TBC1D15: variants seen among roughly 807,000 people sequenced by gnomAD.
TBC1D15 encodes TBC1 domain family member 15.
In TBC1D15, 39 loss-of-function variants were observed where a neutral mutation model predicts 95.4. The observed-to-expected ratio is 0.41, with a 90% CI of 0.32 to 0.53. The LOEUF (loss-of-function observed/expected upper bound fraction) is 0.53, where lower values mean the gene tolerates loss of function less well. TBC1D15 is among the 20% of genes least tolerant of loss of function. The probability of loss-of-function intolerance (pLI) is 0.29; values close to 1 mark genes in which losing one functional copy is unlikely to be tolerated. For synonymous variants in TBC1D15, 258 were observed against 261.3 expected, an observed-to-expected ratio of 0.99 and a Z score of 0.12; for missense variants, 733 against 794.3, an observed-to-expected ratio of 0.92 and a Z score of 0.93.
At chr12:71,910,183 G>A (rs554024611) in intron 11 of TBC1D15, among the ~76,000 whole-genome samples, 29 of 151,844 alleles carry the variant, frequency 1.9e-4, no homozygotes, top group East Asian at 1.2e-3. Context: ...GATATGCGAC[G>A]TTATTTCTGA....
chr12:71,911,559 TG>T (rs1902330021), intron 11 of TBC1D15, among the ~76,000 whole-genome samples: 1 of 131,312 alleles, frequency 7.6e-6, no homozygotes, highest in South Asian at 2.4e-4. Flanking sequence ...CACTTATAGG[TG>T]GGAATTGAAC....
Position 71,896,781 on chromosome 12 carries a change from G to GT in TBC1D15, c.1088+2dup. The GT allele has an allele frequency of 6.2e-7, 1 of 1,606,504 alleles. No individual in the cohort carries two copies. Among genetic ancestry groups the GT allele is most frequent in the Non-Finnish European group, 8.5e-7 (1 of 1,174,702 alleles). ...GAACCCAATTACAAAAGCAAAAAAC[G>GT]TAAGTAATGGTCTTTCGTACATTTA... is the stretch of plus-strand genomic sequence containing the variant. On this transcript the variant is annotated splice_donor_variant, in intron 9 of 16. Transcript: ENST00000485960. LOFTEE classifies it high-confidence loss of function.
intron 1 of TBC1D15, among the ~76,000 whole-genome samples, chr12:71,856,475 T>C (rs1415716442): frequency 1.3e-5 from 2 of 150,320 alleles, no homozygotes; most frequent in Admixed American, 6.6e-5. Flanking sequence ...TCTGGTAGTG[T>C]AGACTTTTGT....
intron 14 of TBC1D15, among the ~76,000 whole-genome samples, chr12:71,919,795 CTGAT>C (rs1234902990): frequency 6.6e-6 from 1 of 152,110 alleles, no homozygotes; most frequent in East Asian, 1.9e-4. Context: ...TCACCAAGGT[CTGAT>C]TGAAAAATTC....
intron 10 of TBC1D15, among the ~76,000 whole-genome samples, chr12:71,898,850 A>G (rs1898745503): frequency 6.6e-6 from 1 of 152,188 alleles, no homozygotes; most frequent in Non-Finnish European, 1.5e-5. Flanking sequence ...GTGGACATGA[A>G]AACAAGATCT....
intron 8 of TBC1D15, chr12:71,896,333 C>T: frequency 2.4e-6 from 1 of 425,324 alleles, no homozygotes; most frequent in Non-Finnish European, 4.2e-6. Context: ...AAGAATTCTT[C>T]CGTACTTGAA....
intron 3 of TBC1D15, among the ~76,000 whole-genome samples, chr12:71,875,546 T>G (rs1455458677): frequency 6.6e-6 from 1 of 151,874 alleles, no homozygotes; most frequent in Non-Finnish European, 1.5e-5. Context: ...TTTTCTTTCT[T>G]CCTCCCTTTC....
chr12:71,912,232 C>T (rs2138991507), intron 11 of TBC1D15, among the ~76,000 whole-genome samples: 1 of 152,178 alleles, frequency 6.6e-6, no homozygotes, highest in East Asian at 1.9e-4. Flanking sequence ...ATTTTAGAAA[C>T]CATCTGTGTA....
chr12:71,875,984 A>G (rs1198265372), intron 3 of TBC1D15, among the ~76,000 whole-genome samples: 1 of 151,854 alleles, frequency 6.6e-6, no homozygotes, highest in Non-Finnish European at 1.5e-5. Context: ...CATTTTTAGG[A>G]GAGACGGGGT....
chr12:71,894,759 T>G lies in TBC1D15; in HGVS notation c.731T>G (p.Leu244Trp), dbSNP rs1043202849. Residue 244 changes from leucine (L) to tryptophan (W), a missense_variant, in exon 7 of 17, where the codon TTG becomes TGG. By Grantham distance (61) the Leu-to-Trp change is moderately conservative. Transcript: ENST00000485960. The part of the protein sequence containing the change: ...SKVTNYIFDS[L>W]RGSDPSTHQR... ...GTCACAAACTACATTTTTGACAGTT[T>G]GAGAGGCAGCGATCCCTCTACACAT... is the stretch of plus-strand genomic sequence containing the variant. The G allele has an allele frequency of 1.2e-6, 2 of 1,613,256 alleles. No homozygotes were observed. The highest frequency in any genetic ancestry group is 2.7e-5 in the African/African-American group (2 of 74,900).
At chr12:71,888,669 T>A (rs1250208665) in intron 5 of TBC1D15, among the ~76,000 whole-genome samples, 6 of 152,052 alleles carry the variant, frequency 3.9e-5, no homozygotes, top group Non-Finnish European at 8.8e-5. Context: ...CCTTCTCTGT[T>A]GATAGGCAGA....
At chr12:71,842,844 AAAAAAG>A (rs1885372914) in intron 1 of TBC1D15, among the ~76,000 whole-genome samples, 1 of 126,794 alleles carries the variant, frequency 7.9e-6, no homozygotes, top group South Asian at 2.9e-4. Context: ...AAAAAAAAAA[AAAAAAG>A]AAAAGAAAAA....
At chr12:71,905,231 A>G (rs1900396868) in intron 10 of TBC1D15, among the ~76,000 whole-genome samples, 1 of 152,226 alleles carries the variant, frequency 6.6e-6, no homozygotes, top group South Asian at 2.1e-4. Context: ...TAAGGCAGAT[A>G]TTCTGTATTG....
chr12:71,854,102 GT>G (rs1257393469), intron 1 of TBC1D15, among the ~76,000 whole-genome samples: 1 of 152,248 alleles, frequency 6.6e-6, no homozygotes, highest in East Asian at 1.9e-4. Flanking sequence ...CACCTTCTGA[GT>G]TTTCTCTCCC....
At chr12:71,885,140 C>T in intron 5 of TBC1D15, 119 bp downstream of exon 5, 1 of 870,436 alleles carries the variant, frequency 1.1e-6, no homozygotes, top group Non-Finnish European at 1.7e-6. Flanking sequence ...ACATGAACAG[C>T]TTAGTTTTTT....
At chr12:71,880,341 A>G in intron 3 of TBC1D15, 128 bp from the exon 4 acceptor site, 1 of 675,528 alleles carries the variant, frequency 1.5e-6, no homozygotes, top group Admixed American at 3.3e-5. Flanking sequence ...AGTATAGGAA[A>G]TGGTGTTCAG....
Position 71,884,915 on chromosome 12 carries a change from T to C in TBC1D15, c.448T>C (p.Leu150=). 2 of 1,614,088 alleles carry C rather than the reference T, an allele frequency of 1.2e-6. No individual in the cohort carries two copies. The highest frequency in any genetic ancestry group is 2.2e-5 in the South Asian group (2 of 91,080). The stretch of plus-strand genomic sequence containing the variant: ...CAAAGAGGGTATGGGCTGGTCCTAT[T>C]TGGTATTCTGTCTAAAGGATGACGT... The part of the protein sequence containing the change: ...QNKEGMGWSY[L]VFCLKDDVVL... The change falls in exon 5 of 17, where the codon TTG becomes CTG. Residue 150 remains leucine, a synonymous_variant. Transcript: ENST00000485960.
chr12:71,897,850 T>C lies in TBC1D15; in HGVS notation c.1092T>C (p.Asp364=). ...GATGTCAAATTGTTTTCTATAGTGA[T>C]GAATACTTCAGAATGAAACTGCAGT... is the stretch of plus-strand genomic sequence containing the variant. ...ERTQLQKQKT[D]EYFRMKLQWK... is the part of the protein sequence containing the mutation. The change falls in exon 10 of 17, where the codon GAT becomes GAC. Residue 364 remains aspartate (D), a synonymous_variant. Coordinates refer to ENST00000485960, the MANE Select transcript of TBC1D15 (RefSeq NM_001146213.3). 6.2e-7 allele frequency: 1 copy of C among 1,611,562 alleles called. No homozygotes were observed. The highest frequency in any genetic ancestry group is 2.2e-5 in the East Asian group (1 of 44,680).
intron 1 of TBC1D15, among the ~76,000 whole-genome samples, chr12:71,846,352 T>C (rs559230087): frequency 6.6e-6 from 1 of 152,350 alleles, no homozygotes; most frequent in East Asian, 1.9e-4. Flanking sequence ...AGGAAAACTT[T>C]CCTCCTTTTT....
Sources: allele counts gnomAD v4.1 joint callset (sites outside exome capture counted in the v4.1 genomes callset), GRCh38; gene constraint gnomAD v4.1.1; transcripts MANE v1.5; gene names NCBI Gene and HGNC (gene_info 2026-07-23, HGNC 2026-07-21).